The following FAS variants were observed in gnomAD, a reference collection of about 807,000 sequenced individuals.
FAS encodes the protein Fas cell surface death receptor.
FAS carries 5 observed loss-of-function variants against 33.2 expected under a neutral mutation model. The ratio of observed to expected loss-of-function variants is 0.15; its 90% CI spans 0.08 to 0.32. FAS has a LOEUF of 0.32. Ranked by LOEUF, FAS falls within the 10% of genes least tolerant of loss-of-function variation. The pLI is 1.00. For missense variants in FAS, 339 were observed against 386.0 expected (o/e 0.88, Z 1.02); for synonymous variants, 131 against 130.7 (o/e 1.00, Z -0.01).
chr10:88,964,273 A>G (rs1846284195), intron 1 of FAS, among the ~76,000 whole-genome samples: 1 of 152,204 alleles, frequency 6.6e-6, no homozygotes, highest in Non-Finnish European at 1.5e-5. Context: ...GTTTATTAAC[A>G]AATAGGCTTC....
intron 4 of FAS, 132 bp downstream of exon 4, chr10:89,009,129 ACTGTTTG>A: frequency 1.1e-6 from 1 of 891,724 alleles, no homozygotes; most frequent in Non-Finnish European, 1.9e-6. Flanking sequence ...CAACTAGATG[ACTGTTTG>A]CTCATTTAAA....
chr10:88,976,049 C>A (rs1341089313), intron 2 of FAS, among the ~76,000 whole-genome samples: 2 of 152,130 alleles, frequency 1.3e-5, no homozygotes, highest in Non-Finnish European at 2.9e-5. Flanking sequence ...GATTAGGACC[C>A]AACCATACAT....
chr10:88,990,449 C>A, upstream of FAS: 1 of 501,902 alleles, frequency 2.0e-6, no homozygotes, highest in Non-Finnish European at 3.8e-6. The surrounding 1 kb of genome is among the most constrained non-coding windows in gnomAD (Gnocchi z 4.9). Flanking sequence ...AGCATGCCAG[C>A]CACTGCAGGA....
At chr10:88,999,236 T>G (rs1847794842) in intron 1 of FAS, among the ~76,000 whole-genome samples, 3 of 152,224 alleles carry the variant, frequency 2.0e-5, no homozygotes, top group Admixed American at 2.0e-4. Flanking sequence ...AGTACCCCTC[T>G]GCCTTCTGTT....
chr10:88,964,050 T>C (rs1215429702), intron 1 of FAS, among the ~76,000 whole-genome samples: 9 of 152,010 alleles, frequency 5.9e-5, no homozygotes, highest in East Asian at 1.9e-4. Flanking sequence ...TATGTTTTTA[T>C]ATTTTTTTAT....
chr10:88,987,060 T>C (rs1196803208), upstream of FAS, among the ~76,000 whole-genome samples: 1 of 152,216 alleles, frequency 6.6e-6, no homozygotes, highest in Admixed American at 6.5e-5. Context: ...CTCTCTTCCT[T>C]TCCCAAGAAC....
At chr10:88,978,441 T>C (rs1249472060) in intron 2 of FAS, among the ~76,000 whole-genome samples, 2 of 152,222 alleles carry the variant, frequency 1.3e-5, no homozygotes, top group African/African-American at 4.8e-5. Flanking sequence ...AGATAAGCTC[T>C]TGACTGTCCT....
intron 2 of FAS, chr10:88,975,162 A>G (rs973827165): frequency 2.5e-4 from 38 of 152,292 alleles, no homozygotes; most frequent in African/African-American, 9.1e-4. Context: ...TTAAAAAAAA[A>G]AAAAACTCTC....
At chr10:88,982,429 T>C (rs1424278908), upstream of FAS, among the ~76,000 whole-genome samples, 1 of 145,032 alleles carries the variant, frequency 6.9e-6, no homozygotes, top group Non-Finnish European at 1.5e-5. Flanking sequence ...TGTTTTTTTC[T>C]TTTTTTTTTT....
At chr10:89,011,610 T>C (rs747005485) in intron 6 of FAS, among the ~76,000 whole-genome samples, 1 of 152,216 alleles carries the variant, frequency 6.6e-6, no homozygotes, top group Non-Finnish European at 1.5e-5. Flanking sequence ...GCTTGAGTTA[T>C]TTGTGTGTGT....
intron 1 of FAS, among the ~76,000 whole-genome samples, chr10:88,996,142 G>A (rs1382762293): frequency 6.6e-6 from 1 of 152,154 alleles, no homozygotes; most frequent in Non-Finnish European, 1.5e-5. Flanking sequence ...ATTTGTGAGG[G>A]CAGATATCTT....
chr10:88,980,476 G>A (rs1846684034), intron 2 of FAS, among the ~76,000 whole-genome samples: 1 of 152,214 alleles, frequency 6.6e-6, no homozygotes, highest in Admixed American at 6.5e-5. Context: ...CAGGCAAAGA[G>A]AGGCCAGGCC....
At chr10:89,002,816 T>C in intron 1 of FAS, 1 of 557,210 alleles carries the variant, frequency 1.8e-6, no homozygotes, top group Non-Finnish European at 3.2e-6. Context: ...TTCATGGTGC[T>C]GTTTCTAGTG....
chr10:88,973,316 G>C (rs771252885), exon 2 of FAS: 1 of 1,573,578 alleles, frequency 6.4e-7, no homozygotes, highest in South Asian at 1.2e-5. Context: ...AGCTCTGAGA[G>C]AGACAAGAAG....
At chr10:89,009,771 T>C (rs1848431657) in intron 4 of FAS, among the ~76,000 whole-genome samples, 1 of 152,216 alleles carries the variant, frequency 6.6e-6, no homozygotes, top group Non-Finnish European at 1.5e-5. Context: ...AGTGCCCCTA[T>C]GATGACAGGC....
intron 2 of FAS, among the ~76,000 whole-genome samples, chr10:88,977,468 A>G (rs1846592736): frequency 6.6e-6 from 1 of 152,100 alleles, no homozygotes; most frequent in Non-Finnish European, 1.5e-5. Context: ...AAGATCAGAT[A>G]GTTGTAGATA....
intron 1 of FAS, among the ~76,000 whole-genome samples, chr10:88,968,310 G>C (rs768386385): frequency 3.9e-5 from 6 of 152,172 alleles, no homozygotes; most frequent in Admixed American, 6.6e-5. Context: ...TTTGTAGCCA[G>C]CATATGTAAT....
At chr10:89,013,218 T>C in intron 7 of FAS, 125 bp from the exon 8 acceptor site, 2 of 882,056 alleles carry the variant, frequency 2.3e-6, no homozygotes, top group Non-Finnish European at 3.5e-6. Context: ...AGCTTCCTAA[T>C]TTTATACATC....
intron 8 of FAS, 81 bp downstream of exon 8, chr10:89,013,448 AATT>A: frequency 7.8e-7 from 1 of 1,287,254 alleles, no homozygotes; most frequent in East Asian, 2.3e-5. Context: ...TAATGTTACT[AATT>A]TCAGTGACAT....
Sources: allele counts gnomAD v4.1 joint callset (sites outside exome capture counted in the v4.1 genomes callset), GRCh38; gene constraint gnomAD v4.1.1; non-coding constraint Gnocchi (gnomAD v3.1); transcripts MANE v1.5; gene names NCBI Gene and HGNC (gene_info 2026-07-23, HGNC 2026-07-21).